PUM1: variants seen among roughly 807,000 people sequenced by gnomAD.
PUM1 encodes the protein pumilio homolog 1.
Under a neutral mutation model 131.8 loss-of-function variants are expected in PUM1, and 13 were observed. The ratio of observed to expected loss-of-function variants is 0.10; its 90% CI spans 0.06 to 0.16. PUM1 has a LOEUF of 0.16. Ranked by LOEUF, PUM1 falls within the 10% of genes least tolerant of loss-of-function variation. PUM1 has a pLI of 1.00. For synonymous variants in PUM1, 509 were observed against 556.5 expected (o/e 0.91, Z 1.20); for missense variants, 961 against 1,512.4 (o/e 0.64, Z 6.05).
At chr1:30,989,836 A>G (rs78169600) in intron 7 of PUM1, among the ~76,000 whole-genome samples, 3,056 of 152,302 alleles carry the variant, frequency 0.02, 54 homozygotes, top group Non-Finnish European at 0.026. Context: ...AACAAAAGAT[A>G]TGAACAGAAG....
intron 18 of PUM1, among the ~76,000 whole-genome samples, chr1:30,944,253 A>T (rs930948693): frequency 2.0e-5 from 3 of 152,102 alleles, no homozygotes; most frequent in Non-Finnish European, 4.4e-5. Context: ...GCAGTACATA[A>T]ATTATACCTG....
chr1:30,956,391 G>A (rs986312202), intron 14 of PUM1, among the ~76,000 whole-genome samples: 16 of 152,088 alleles, frequency 1.1e-4, no homozygotes, highest in African/African-American at 3.9e-4. Context: ...AGCCGTCCAA[G>A]TAGCTGGGAC....
chr1:31,056,609 CTTTTTTTTTTTTTT>C (rs57685772), intron 2 of PUM1, among the ~76,000 whole-genome samples: 347 of 43,724 alleles, frequency 7.9e-3, no homozygotes, highest in African/African-American at 0.019. Flanking sequence ...CTTTTCTTTT[CTTTTTTTTTTTTTT>C]TTTTTTTTTT....
At chr1:31,007,461 G>GA (rs1368038738) in intron 3 of PUM1, among the ~76,000 whole-genome samples, 4 of 152,116 alleles carry the variant, frequency 2.6e-5, no homozygotes, top group African/African-American at 9.7e-5. Context: ...TACTGAAAAA[G>GA]AAAGTATTTA....
intron 17 of PUM1, among the ~76,000 whole-genome samples, chr1:30,947,855 T>G (rs1159276707): frequency 9.9e-5 from 15 of 151,662 alleles, no homozygotes; most frequent in Admixed American, 9.9e-4. Context: ...ATTAACCAAG[T>G]GTCAGAAGGG....
At chr1:30,999,511 G>A (rs946366824) in intron 5 of PUM1, among the ~76,000 whole-genome samples, 1 of 150,154 alleles carries the variant, frequency 6.7e-6, no homozygotes, top group Non-Finnish European at 1.5e-5. Flanking sequence ...GGAGGCTGAG[G>A]CAGGAGAATC....
chr1:31,047,655 C>T (rs1644000771), intron 2 of PUM1, among the ~76,000 whole-genome samples: 1 of 152,214 alleles, frequency 6.6e-6, no homozygotes, highest in South Asian at 2.1e-4. Context: ...GTAATAACAT[C>T]CCACTGGCTG....
rs186536421 is a variant in PUM1 at position 30,971,221 on chromosome 1, A to G, written c.1507-2729T>C. Among the ~76,000 whole-genome samples the G allele has an allele frequency of 1.1e-4, 17 of 152,326 alleles. No homozygotes were observed. In the East Asian group the frequency reaches 1.3e-3, roughly 12 times the overall value. On this transcript the variant is annotated intron_variant, in intron 10 of 21. Coordinates refer to ENST00000426105, the MANE Select transcript of PUM1 (RefSeq NM_001020658.2). The stretch of plus-strand genomic sequence containing the variant: ...ACTAGAACGCAACATATACTTTCTG[A>G]TAAAATACAAGGGCCCAAAAGGCCA...
intron 5 of PUM1, among the ~76,000 whole-genome samples, chr1:30,998,282 T>C (rs1243771698): frequency 6.6e-6 from 1 of 152,200 alleles, no homozygotes; most frequent in Non-Finnish European, 1.5e-5. Context: ...AGCAGAAGTC[T>C]GACTTCTGAG....
At chr1:31,043,779 A>G (rs1312492479) in intron 2 of PUM1, among the ~76,000 whole-genome samples, 1 of 152,214 alleles carries the variant, frequency 6.6e-6, no homozygotes, top group Non-Finnish European at 1.5e-5. Context: ...TTCAGAGAGA[A>G]AAGAAAGTAG....
intron 10 of PUM1, among the ~76,000 whole-genome samples, chr1:30,972,540 GA>G (rs1321637443): frequency 6.7e-6 from 1 of 148,528 alleles, no homozygotes; most frequent in Non-Finnish European, 1.5e-5. Context: ...TTGGGAGGCC[GA>G]GGGGGGTGGA....
At chr1:31,015,058 A>G (rs769694745) in intron 3 of PUM1, among the ~76,000 whole-genome samples, 2 of 152,216 alleles carry the variant, frequency 1.3e-5, no homozygotes, top group Non-Finnish European at 2.9e-5. Flanking sequence ...TTATAAAATA[A>G]CATTAAATTT....
chr1:30,942,058 G>A lies in PUM1; in HGVS notation c.3060C>T (p.Leu1020=). 3 of 1,602,014 alleles carry A rather than the reference G, an allele frequency of 1.9e-6. No individual in the cohort carries two copies. Among genetic ancestry groups the A allele is most frequent in the South Asian group, 1.1e-5 (1 of 90,904 alleles). The stretch of plus-strand genomic sequence containing the variant: ...CTAAAATAGGGAGTGTCTGGTCAGG[G>A]AGACAGTGCTCCAGGATTCTCTGAA... ...RVIQRILEHC[L]PDQTLPILEE... The change falls in exon 19 of 22, where the codon CTC becomes CTT. Residue 1020 remains leucine, a synonymous_variant. Transcript: ENST00000426105.
intron 5 of PUM1, among the ~76,000 whole-genome samples, chr1:31,003,442 G>C (rs1570249888): frequency 6.6e-6 from 1 of 152,144 alleles, no homozygotes; most frequent in African/African-American, 2.4e-5. Context: ...AAAATCAAGA[G>C]GATACAACCA....
At chr1:31,029,639 T>A (rs757484628) in intron 2 of PUM1, among the ~76,000 whole-genome samples, 3 of 152,242 alleles carry the variant, frequency 2.0e-5, no homozygotes, top group Non-Finnish European at 4.4e-5. Flanking sequence ...AGCATGTCTC[T>A]GCTGTCTGAG....
intron 3 of PUM1, among the ~76,000 whole-genome samples, chr1:31,009,422 A>G (rs973884464): frequency 3.9e-5 from 6 of 152,146 alleles, no homozygotes; most frequent in Non-Finnish European, 8.8e-5. Flanking sequence ...TGTCCTTTAA[A>G]TGTTTTAAGA....
At chr1:31,018,216 G>A (rs1239584284) in intron 3 of PUM1, among the ~76,000 whole-genome samples, 1 of 152,070 alleles carries the variant, frequency 6.6e-6, no homozygotes. Context: ...GGGTGTAGTG[G>A]CACATGCCTG....
At chr1:30,985,650 CA>C (rs372548441) in intron 7 of PUM1, among the ~76,000 whole-genome samples, 1,677 of 65,182 alleles carry the variant, frequency 0.026, 18 homozygotes, top group African/African-American at 0.076. Context: ...AACTCCATCT[CA>C]AAAAAAAAAA....
At chr1:31,031,976 G>A (rs570656502) in intron 2 of PUM1, among the ~76,000 whole-genome samples, 28 of 147,092 alleles carry the variant, frequency 1.9e-4, no homozygotes, top group Middle Eastern at 4.3e-3. Flanking sequence ...GGTATCTCCC[G>A]CTGCCTCATT....
Sources: gnomAD v4.1 joint callset for allele counts (sites outside exome capture counted in the v4.1 genomes callset) on GRCh38, gnomAD v4.1.1 for gene constraint, MANE v1.5 for transcripts, NCBI Gene and HGNC (gene_info 2026-07-23, HGNC 2026-07-21) for gene names.